Variants in CHST15 observed in about 807,000 individuals in gnomAD.
CHST15 encodes B cell RAG associated protein (GALNAC4S-6ST).
A neutral mutation model predicts 53.6 loss-of-function variants in CHST15; 30 were observed. The observed-to-expected ratio is 0.56, with a 90% CI of 0.42 to 0.76. The LOEUF is 0.76. Ranked by LOEUF, CHST15 falls within the 30% of genes least tolerant of loss-of-function variation. CHST15 has a pLI of 0.00. For synonymous variants in CHST15, 296 were observed against 289.8 expected (o/e 1.02, Z -0.22); for missense variants, 627 against 740.5 (o/e 0.85, Z 1.78).
intron 1 of CHST15, among the ~76,000 whole-genome samples, chr10:124,085,533 C>G (rs1357761532): frequency 6.6e-6 from 1 of 152,222 alleles, no homozygotes; most frequent in African/African-American, 2.4e-5. Flanking sequence ...GAGAACCTAG[C>G]CTTTGGAAGA....
intron 1 of CHST15, among the ~76,000 whole-genome samples, chr10:124,066,998 G>A (rs950503653): frequency 6.6e-6 from 1 of 152,254 alleles, no homozygotes; most frequent in African/African-American, 2.4e-5. Context: ...GGGCAGAGGG[G>A]CCATTTGCAC....
chr10:124,033,657 C>T (rs148197435), intron 5 of CHST15, among the ~76,000 whole-genome samples: 13 of 152,338 alleles, frequency 8.5e-5, no homozygotes, highest in Admixed American at 2.0e-4. Flanking sequence ...GCAGCCATAC[C>T]GGAGAGGCCC....
chr10:124,077,408 G>C (rs760804134), intron 1 of CHST15, among the ~76,000 whole-genome samples: 1 of 152,136 alleles, frequency 6.6e-6, no homozygotes. Context: ...AACTCATCAC[G>C]CTAATGTGAT....
intron 1 of CHST15, among the ~76,000 whole-genome samples, chr10:124,048,927 A>C (rs1948095001): frequency 6.6e-6 from 1 of 152,122 alleles, no homozygotes; most frequent in Non-Finnish European, 1.5e-5. Context: ...GTCTCAACAG[A>C]GAGGAGGGAA....
intron 1 of CHST15, among the ~76,000 whole-genome samples, chr10:124,066,893 GT>G (rs1433190773): frequency 6.6e-6 from 1 of 152,234 alleles, no homozygotes; most frequent in African/African-American, 2.4e-5. Context: ...AGCACTTTTG[GT>G]GACAGCACAT....
chr10:124,027,807 G>A (rs1947069986), intron 5 of CHST15, among the ~76,000 whole-genome samples: 2 of 152,182 alleles, frequency 1.3e-5, no homozygotes, highest in Admixed American at 1.3e-4. Flanking sequence ...GAAGCTCCAG[G>A]GCAGGGCTGG....
Position 124,008,970 on chromosome 10 carries a change from CA to C in CHST15, c.*1178del. The C allele has an allele frequency of 2.3e-6, 3 of 1,289,150 alleles. No homozygotes were observed. Among genetic ancestry groups the C allele is most frequent in the Non-Finnish European group, 3.0e-6 (3 of 988,674 alleles). 79.9% of individuals were successfully genotyped at this position (1,289,150 alleles called of 1,614,324 possible). ...AACACGGCTCTTAGAAACCTCATTCCAAATCTCAACACGCCACGTTCAGCCC... is the reference window on the plus strand; with the variant it reads ...AACACGGCTCTTAGAAACCTCATTCCAATCTCAACACGCCACGTTCAGCCC... On this transcript the variant is annotated 3_prime_UTR_variant, in exon 8 of 8. Coordinates refer to ENST00000435907, the MANE Select transcript of CHST15 (RefSeq NM_001270764.2).
At chr10:124,063,925 C>T (rs1015434556) in intron 1 of CHST15, among the ~76,000 whole-genome samples, 1 of 152,134 alleles carries the variant, frequency 6.6e-6, no homozygotes, top group East Asian at 1.9e-4. Flanking sequence ...GAGCTTCCAG[C>T]GTTGTTTTGT....
intron 6 of CHST15, among the ~76,000 whole-genome samples, chr10:124,017,981 C>T (rs1201328789): frequency 2.6e-5 from 4 of 152,228 alleles, no homozygotes; most frequent in South Asian, 4.1e-4. Flanking sequence ...GTCACCTGGC[C>T]GGCTGGGGCC....
Position 124,009,421 on chromosome 10 carries a change from G to C in CHST15, c.*728C>G. 1.0e-6 allele frequency: 1 copy of C among 993,372 alleles called. No individual in the cohort carries two copies. Among genetic ancestry groups the C allele is most frequent in the South Asian group, 4.5e-5 (1 of 22,382 alleles). The allele number at this position is 993,372 out of a possible 1,614,324, so 61.5% of individuals were successfully genotyped here. ...ACATAAGTCCACAAGGACAGAATAG[G>C]AGGAGGTCAGAAAGATGAAGGTGCT... On this transcript the variant is annotated 3_prime_UTR_variant, in exon 8 of 8. Transcript: ENST00000435907.
At chr10:124,077,031 G>A (rs1949097382) in intron 1 of CHST15, among the ~76,000 whole-genome samples, 1 of 152,210 alleles carries the variant, frequency 6.6e-6, no homozygotes, top group African/African-American at 2.4e-5. Context: ...TTTTTAATAT[G>A]CATTTCATGT....
At chr10:124,012,540 T>C in intron 6 of CHST15, 60 bp from the exon 7 acceptor site, 4 of 1,536,352 alleles carry the variant, frequency 2.6e-6, no homozygotes, top group Non-Finnish European at 3.5e-6. Flanking sequence ...CATAGGGCAC[T>C]TTTCCAAAGT....
At chr10:124,010,874 T>C in intron 7 of CHST15, 1 of 985,382 alleles carries the variant, frequency 1.0e-6, no homozygotes, top group Non-Finnish European at 1.2e-6. Context: ...AGGCCACTTG[T>C]GCCCAGAGCC....
chr10:124,035,625 C>A (rs1189071362), intron 5 of CHST15, among the ~76,000 whole-genome samples: 2 of 152,212 alleles, frequency 1.3e-5, no homozygotes, highest in African/African-American at 2.4e-5. Context: ...TAACACGGAC[C>A]CTGGCTCCAA....
Position 124,009,981 on chromosome 10 carries a change from G to C in CHST15, c.*168C>G, listed in dbSNP as rs888138172. On this transcript the variant is annotated 3_prime_UTR_variant, in exon 8 of 8. Coordinates refer to ENST00000435907, the MANE Select transcript of CHST15 (RefSeq NM_001270764.2). ...GTGAGGGGTCCATTGCTGAGCTCTCGAACATCACGAAGGAAATTCCAAAAT... is the reference window on the plus strand; with the variant it reads ...GTGAGGGGTCCATTGCTGAGCTCTCCAACATCACGAAGGAAATTCCAAAAT... The C allele has an allele frequency of 1.0e-5, 15 of 1,458,086 alleles. No individual in the cohort carries two copies. The South Asian group carries it at 2.0e-4, about 19-fold the overall frequency. The allele number at this position is 1,458,086 out of a possible 1,614,324, so 90.3% of individuals were successfully genotyped here.
intron 1 of CHST15, among the ~76,000 whole-genome samples, chr10:124,071,723 G>T (rs555234708): frequency 6.6e-6 from 1 of 152,282 alleles, no homozygotes; most frequent in South Asian, 2.1e-4. Flanking sequence ...GCTGTATCTA[G>T]ATTTCATAAG....
Position 124,007,922 on chromosome 10 carries a change from A to G in CHST15, c.*2227T>C. On this transcript the variant is annotated 3_prime_UTR_variant, in exon 8 of 8. Coordinates refer to ENST00000435907, the MANE Select transcript of CHST15 (RefSeq NM_001270764.2). ...AGAACCACCGCCCAGAACGGAACCT[A>G]TTCTGTCAGCAAGAGCCGGGCCTCG... 1 of 1,232,096 alleles carries G rather than the reference A, an allele frequency of 8.1e-7. No homozygotes were observed. Among genetic ancestry groups the G allele is most frequent in the Non-Finnish European group, 1.0e-6 (1 of 987,962 alleles). The allele number at this position is 1,232,096 out of a possible 1,614,324, so 76.3% of individuals were successfully genotyped here.
chr10:124,012,376 G>A lies in CHST15; in HGVS notation c.1452C>T (p.Asn484=), dbSNP rs767431529. 1.6e-5 allele frequency: 26 copies of A among 1,613,990 alleles called. No individual in the cohort carries two copies. The highest frequency in any genetic ancestry group is 5.5e-5 in the South Asian group (5 of 91,086). Residue 484 remains asparagine (N), a synonymous_variant, in exon 7 of 8, where the codon AAC becomes AAT. Coordinates refer to ENST00000435907, the MANE Select transcript of CHST15 (RefSeq NM_001270764.2). ...AGACCTTGTGCATGGTGTACTTGAC[G>A]TTGGATGCATGATCTTCCAGGCGAA... The part of the protein sequence containing the change: ...LILRLEDHAS[N]VKYTMHKVFQ...
chr10:124,021,221 C>A, intron 6 of CHST15, 35 bp downstream of exon 6: 2 of 1,102,834 alleles, frequency 1.8e-6, no homozygotes, highest in Non-Finnish European at 2.5e-6. Context: ...CTGCCAGGGG[C>A]CAGCTCGGGG....
Sources: allele counts gnomAD v4.1 joint callset (sites outside exome capture counted in the v4.1 genomes callset), GRCh38; gene constraint gnomAD v4.1.1; transcripts MANE v1.5; gene names NCBI Gene and HGNC (gene_info 2026-07-23, HGNC 2026-07-21).